Variants in ATP9B observed in about 807,000 individuals in gnomAD.
ATP9B encodes ATPase phospholipid transporting 9B, also known as probable phospholipid-transporting ATPase IIB.
A neutral mutation model predicts 146.1 loss-of-function variants in ATP9B; 110 were observed. That is an observed-to-expected ratio of 0.75 (90% confidence interval 0.65 to 0.88). The LOEUF (loss-of-function observed/expected upper bound fraction) is 0.88. Ranked by LOEUF, ATP9B falls within the 40% of genes least tolerant of loss-of-function variation. ATP9B has a pLI of 0.00. For missense variants in ATP9B, 1,499 were observed against 1,496.4 expected (o/e 1.00, Z -0.03); for synonymous variants, 604 against 569.7 (o/e 1.06, Z -0.86).
At chr18:79,191,088 T>A (rs2095362207) in intron 8 of ATP9B, among the ~76,000 whole-genome samples, 1 of 152,150 alleles carries the variant, frequency 6.6e-6, no homozygotes, top group Non-Finnish European at 1.5e-5. Context: ...ATATTTTTGC[T>A]GGATATTGAA....
intron 1 of ATP9B, chr18:79,086,455 A>AAAAAG (rs2073840562): frequency 1.3e-5 from 2 of 150,054 alleles, no homozygotes; most frequent in Non-Finnish European, 3.0e-5. Context: ...AAAAAAAAAA[A>AAAAAG]GATAAAATCT....
intron 1 of ATP9B, among the ~76,000 whole-genome samples, chr18:79,078,812 G>GC (rs1166929634): frequency 2.6e-5 from 4 of 151,942 alleles, no homozygotes; most frequent in East Asian, 1.9e-4. Context: ...CCTTCACCTA[G>GC]CCCCCCACAC....
At chr18:79,168,196 G>A (rs1170330162) in intron 7 of ATP9B, among the ~76,000 whole-genome samples, 1 of 152,192 alleles carries the variant, frequency 6.6e-6, no homozygotes, top group African/African-American at 2.4e-5. Flanking sequence ...CCTCCGGAAA[G>A]CCAAGAAAAA....
At chr18:79,184,783 T>C (rs2095289210) in intron 8 of ATP9B, among the ~76,000 whole-genome samples, 1 of 152,088 alleles carries the variant, frequency 6.6e-6, no homozygotes. Context: ...GGGATTTTGG[T>C]TGGCTGTAAC....
At chr18:79,269,682 A>G (rs1203435107) in intron 12 of ATP9B, among the ~76,000 whole-genome samples, 1 of 152,198 alleles carries the variant, frequency 6.6e-6, no homozygotes, top group Non-Finnish European at 1.5e-5. Context: ...TAATTATAGG[A>G]ATCATTTGGG....
intron 11 of ATP9B, among the ~76,000 whole-genome samples, chr18:79,214,565 A>G (rs2095610559): frequency 6.6e-6 from 1 of 152,210 alleles, no homozygotes; most frequent in African/African-American, 2.4e-5. Context: ...TATGCATCCA[A>G]CATGTGTGTA....
intron 6 of ATP9B, among the ~76,000 whole-genome samples, chr18:79,147,197 A>C (rs2094605213): frequency 1.3e-5 from 2 of 152,152 alleles, no homozygotes; most frequent in African/African-American, 4.8e-5. Context: ...AGTTCCATAA[A>C]ATTCGTGAAT....
At position 79,153,760 on chromosome 18, in the gene ATP9B, C is replaced by T. The variant is rs576634699; in HGVS notation, c.727-744C>T. ...TGACCCTCCTGGCTCAAGCCATCCTCAGCCCTCAGCCTCCCTAGTAGCTGA... is the reference window on the plus strand; with the variant it reads ...TGACCCTCCTGGCTCAAGCCATCCTTAGCCCTCAGCCTCCCTAGTAGCTGA... On this transcript the variant is annotated intron_variant, in intron 6 of 29. Coordinates refer to ENST00000426216, the MANE Select transcript of ATP9B (RefSeq NM_198531.5). Among the ~76,000 whole-genome samples, 3 of 151,732 alleles carry T rather than the reference C, an allele frequency of 2.0e-5. No homozygotes were observed. In the South Asian group the frequency reaches 6.3e-4, roughly 32 times the overall value.
chr18:79,294,383 G>A (rs966634107), intron 13 of ATP9B, among the ~76,000 whole-genome samples: 3 of 152,208 alleles, frequency 2.0e-5, no homozygotes, highest in African/African-American at 7.2e-5. Flanking sequence ...ATGGAAGGAC[G>A]CTCCCTGCGC....
intron 7 of ATP9B, among the ~76,000 whole-genome samples, chr18:79,176,094 G>A (rs1381251725): frequency 6.6e-6 from 1 of 152,110 alleles, no homozygotes; most frequent in South Asian, 2.1e-4. Flanking sequence ...TCTTCTCTCT[G>A]TATTGCCGTA....
At chr18:79,188,180 A>G (rs4239342) in intron 8 of ATP9B, among the ~76,000 whole-genome samples, 41 of 152,346 alleles carry the variant, frequency 2.7e-4, no homozygotes, top group African/African-American at 9.4e-4. Flanking sequence ...TCAGATGTCT[A>G]ATGTACTTGA....
Position 79,207,878 on chromosome 18 carries a change from A to G in ATP9B, c.1030+866A>G, listed in dbSNP as rs56166311. Among the ~76,000 whole-genome samples the G allele has an allele frequency of 4.8e-3, 737 of 152,264 alleles. 9 individuals are homozygous for G. The highest frequency in any genetic ancestry group is 0.016 in the African/African-American group (668 of 41,546). ...ATGGCTTTGTGGACAGAGGTTAAGC[A>G]AGTGTTCTAGGTAATGTTGCTGTGC... On this transcript the variant is annotated intron_variant, in intron 10 of 29. Transcript: ENST00000426216.
At chr18:79,324,970 G>A (rs2096736178) in intron 15 of ATP9B, among the ~76,000 whole-genome samples, 1 of 152,200 alleles carries the variant, frequency 6.6e-6, no homozygotes, top group Non-Finnish European at 1.5e-5. Context: ...CAGCAGCTGG[G>A]GCTGTGGAGT....
intron 26 of ATP9B, chr18:79,362,123 A>G (rs1436248882): frequency 6.6e-6 from 1 of 152,242 alleles, no homozygotes; most frequent in Non-Finnish European, 1.5e-5. Context: ...GAGGCGAGCC[A>G]GGGAGGCAAG....
chr18:79,276,955 C>T, intron 12 of ATP9B, 99 bp from the exon 13 acceptor site: 1 of 1,521,814 alleles, frequency 6.6e-7, no homozygotes, highest in Non-Finnish European at 9.0e-7. Context: ...GGGTCTGGAT[C>T]ACACTAACCA....
chr18:79,140,638 G>A (rs541722691), intron 5 of ATP9B, among the ~76,000 whole-genome samples: 9 of 152,110 alleles, frequency 5.9e-5, no homozygotes, highest in South Asian at 4.1e-4. Context: ...AAAATTAGCC[G>A]GGCATGGTGG....
At position 79,217,417 on chromosome 18, in the gene ATP9B, C is replaced by G. The variant is rs370947758; in HGVS notation, c.1107+3379C>G. Among the ~76,000 whole-genome samples the G allele has an allele frequency of 3.2e-4, 48 of 152,328 alleles. 1 individual carries two copies. The East Asian group carries it at 9.1e-3, about 29-fold the overall frequency. ...GCCAGGATTGTCTCATTCTCCTGAC[C>G]TCGTGATCCGCCCGCCTCTGCCTCC... On this transcript the variant is annotated intron_variant, in intron 11 of 29. Transcript: ENST00000426216.
intron 13 of ATP9B, among the ~76,000 whole-genome samples, chr18:79,291,191 A>G (rs1296648240): frequency 1.3e-5 from 2 of 152,138 alleles, no homozygotes; most frequent in Admixed American, 1.3e-4. Context: ...AAGAAATCAG[A>G]AACCTTTTGT....
Position 79,307,143 on chromosome 18 carries a change from G to A in ATP9B, c.1682G>A (p.Arg561Gln), listed in dbSNP as rs34750827. 847 of 1,614,170 alleles carry A rather than the reference G, an allele frequency of 5.2e-4. 5 individuals are homozygous for A. The African/African-American group carries it at 9.2e-3, about 18-fold the overall frequency. The change falls in exon 15 of 30, where the codon CGG (arginine) becomes CAG (glutamine). Residue 561 changes from arginine (R) to glutamine (Q), a missense_variant. By Grantham distance (43) the Arg-to-Gln change is conservative. Coordinates refer to ENST00000426216, the MANE Select transcript of ATP9B (RefSeq NM_198531.5). ...AACGTGACCCCCGTGTATGAGTCTC[G>A]GGCCGGCGTTACTGAGGAGACTGAG... Reference protein sequence around the residue: ...CHNVTPVYESRAGVTEETEFA... With the variant: ...CHNVTPVYESQAGVTEETEFA...
Sources: allele counts gnomAD v4.1 joint callset (sites outside exome capture counted in the v4.1 genomes callset), GRCh38; gene constraint gnomAD v4.1.1; transcripts MANE v1.5; gene names NCBI Gene and HGNC (gene_info 2026-07-23, HGNC 2026-07-21).